Variants in CPA6 observed in about 807,000 individuals in gnomAD.
The protein encoded by CPA6 is carboxypeptidase B.
In CPA6, 58 loss-of-function variants were observed where a neutral mutation model predicts 63.3. The observed-to-expected ratio is 0.92, with a 90% CI of 0.74 to 1.14. The LOEUF (loss-of-function observed/expected upper bound fraction) is 1.14, where lower values mean the gene tolerates loss of function less well. Ranked by LOEUF, CPA6 falls within the 50% of genes most tolerant of loss-of-function variation. The pLI, the probability that CPA6 is intolerant of heterozygous loss-of-function variation, is 0.00. For missense variants in CPA6, 565 were observed against 526.6 expected, an observed-to-expected ratio of 1.07 and a Z score of -0.71; for synonymous variants, 185 against 179.0, an observed-to-expected ratio of 1.03 and a Z score of -0.27.
intron 8 of CPA6, among the ~76,000 whole-genome samples, chr8:67,462,313 T>A (rs1052486666): frequency 1.3e-5 from 2 of 152,352 alleles, no homozygotes; most frequent in East Asian, 1.9e-4. Flanking sequence ...GTGTATGTGA[T>A]CCTGGAGATT....
intron 1 of CPA6, among the ~76,000 whole-genome samples, chr8:67,639,432 G>T (rs181215695): frequency 6.6e-6 from 1 of 151,756 alleles, no homozygotes; most frequent in Non-Finnish European, 1.5e-5. Flanking sequence ...TCCAGCTACT[G>T]CACACAGCTA....
At chr8:67,617,339 G>C (rs1429584136) in intron 2 of CPA6, among the ~76,000 whole-genome samples, 1 of 152,172 alleles carries the variant, frequency 6.6e-6, no homozygotes, top group Non-Finnish European at 1.5e-5. Context: ...AGCCATGCTT[G>C]AAAATTATAT....
At chr8:67,722,640 A>G (rs1230706539) in intron 1 of CPA6, among the ~76,000 whole-genome samples, 1 of 152,194 alleles carries the variant, frequency 6.6e-6, no homozygotes, top group Non-Finnish European at 1.5e-5. Flanking sequence ...GCCTTTAACC[A>G]GAGCTTACAA....
intron 5 of CPA6, among the ~76,000 whole-genome samples, 156 bp from the exon 6 acceptor site, chr8:67,507,044 A>G (rs1417925781): frequency 1.3e-5 from 2 of 152,232 alleles, no homozygotes; most frequent in Non-Finnish European, 2.9e-5. Flanking sequence ...TCGAAAGTCC[A>G]GGCTTCTTTA....
chr8:67,511,566 T>C lies in CPA6; in HGVS notation c.407A>G (p.Tyr136Cys). ...RNRRSLSGYNYEVYHSLEEIQ... is the reference protein window; with the variant it reads ...RNRRSLSGYNCEVYHSLEEIQ... ...TTCTTCTAAGGAGTGATAAACTTCA[T>C]AATTATATCCAGAGAGGGATCTTCG... Residue 136 changes from tyrosine (Y) to cysteine (C), a missense_variant, in exon 4 of 11, where the codon TAT becomes TGT. Coordinates refer to ENST00000297770, the MANE Select transcript of CPA6 (RefSeq NM_020361.5). The C allele has an allele frequency of 6.2e-7, 1 of 1,605,968 alleles. No homozygotes were observed. The highest frequency in any genetic ancestry group is 8.5e-7 in the Non-Finnish European group (1 of 1,172,710).
intron 8 of CPA6, among the ~76,000 whole-genome samples, chr8:67,449,882 C>G (rs1044681327): frequency 8.2e-5 from 12 of 145,812 alleles, no homozygotes; most frequent in Admixed American, 1.4e-4. Context: ...GTGGCGCCAT[C>G]TGAGCTCACT....
At chr8:67,713,181 G>C (rs1274403643) in intron 1 of CPA6, among the ~76,000 whole-genome samples, 1 of 141,074 alleles carries the variant, frequency 7.1e-6, no homozygotes, top group African/African-American at 2.6e-5. Flanking sequence ...GGCATCCACT[G>C]GGGATTCTGG....
intron 2 of CPA6, among the ~76,000 whole-genome samples, chr8:67,584,933 C>A (rs977899749): frequency 6.6e-6 from 1 of 152,088 alleles, no homozygotes; most frequent in Admixed American, 6.6e-5. Context: ...TCTGCTTGGA[C>A]ATACCATTAG....
intron 8 of CPA6, among the ~76,000 whole-genome samples, chr8:67,435,364 G>T (rs1468526063): frequency 6.6e-6 from 1 of 151,866 alleles, no homozygotes; most frequent in Admixed American, 6.6e-5. Context: ...ACTTTTTCTC[G>T]CCATCCCTCC....
At chr8:67,502,771 G>GTGTT (rs1811853283) in intron 6 of CPA6, among the ~76,000 whole-genome samples, 1 of 152,160 alleles carries the variant, frequency 6.6e-6, no homozygotes, top group Non-Finnish European at 1.5e-5. Context: ...TAATTTCCAA[G>GTGTT]TGTTTGGAGA....
At chr8:67,445,245 G>A (rs912742902) in intron 8 of CPA6, among the ~76,000 whole-genome samples, 3 of 152,044 alleles carry the variant, frequency 2.0e-5, no homozygotes, top group Non-Finnish European at 4.4e-5. Context: ...GGGAGGACAA[G>A]CATATCTAAA....
intron 2 of CPA6, among the ~76,000 whole-genome samples, chr8:67,540,483 T>C (rs1037226160): frequency 6.6e-6 from 1 of 151,934 alleles, no homozygotes; most frequent in African/African-American, 2.4e-5. Flanking sequence ...GGCATGGGGG[T>C]CAGGGACCCA....
chr8:67,672,542 T>C (rs781186969), intron 1 of CPA6, among the ~76,000 whole-genome samples: 4 of 152,128 alleles, frequency 2.6e-5, no homozygotes, highest in Non-Finnish European at 5.9e-5. Context: ...CACCCTCCCA[T>C]GTCAAGTCAA....
chr8:67,606,865 C>T (rs1011909036), intron 2 of CPA6, among the ~76,000 whole-genome samples: 7 of 152,188 alleles, frequency 4.6e-5, no homozygotes, highest in Non-Finnish European at 1.0e-4. Flanking sequence ...CTTTTGCAGT[C>T]AACTTCTGGT....
At chr8:67,586,340 T>C (rs1359905836) in intron 2 of CPA6, among the ~76,000 whole-genome samples, 1 of 152,096 alleles carries the variant, frequency 6.6e-6, no homozygotes, top group Non-Finnish European at 1.5e-5. Context: ...GTGAAGTCCA[T>C]ATAGAGGTAT....
intron 1 of CPA6, among the ~76,000 whole-genome samples, chr8:67,722,473 C>T (rs193210025): frequency 5.8e-4 from 88 of 152,234 alleles, no homozygotes; most frequent in African/African-American, 2.0e-3. Flanking sequence ...TAGATGTGTG[C>T]GGTGAAGTAA....
chr8:67,667,584 G>A (rs888514446), intron 1 of CPA6, among the ~76,000 whole-genome samples: 1 of 152,086 alleles, frequency 6.6e-6, no homozygotes, highest in Non-Finnish European at 1.5e-5. Flanking sequence ...CTCTGATTTT[G>A]CAGATTTAAA....
At chr8:67,616,501 A>ATGTGTGTGTGTGTGTGTGTG (rs4009134) in intron 2 of CPA6, among the ~76,000 whole-genome samples, 3 of 126,952 alleles carry the variant, frequency 2.4e-5, no homozygotes, top group Admixed American at 1.6e-4. Context: ...GGCAAATTGA[A>ATGTGTGTGTGTGTGTGTGTG]TGTGTGTGTG....
At chr8:67,539,531 C>G (rs1008544418) in intron 2 of CPA6, among the ~76,000 whole-genome samples, 17 of 152,138 alleles carry the variant, frequency 1.1e-4, no homozygotes, top group Non-Finnish European at 1.9e-4. Flanking sequence ...TCCTGAATTT[C>G]AATGTTGGCC....
Sources: gnomAD v4.1 joint callset for allele counts (sites outside exome capture counted in the v4.1 genomes callset) on GRCh38, gnomAD v4.1.1 for gene constraint, MANE v1.5 for transcripts, NCBI Gene and HGNC (gene_info 2026-07-23, HGNC 2026-07-21) for gene names.